The following CTNNA3 variants were observed in gnomAD, a reference collection of about 807,000 sequenced individuals.
The protein encoded by CTNNA3 is catenin alpha 3.
A neutral mutation model predicts 95.7 loss-of-function variants in CTNNA3; 76 were observed. The ratio of observed to expected loss-of-function variants is 0.79; its 90% confidence interval spans 0.66 to 0.96. The LOEUF is 0.96. Among genes scored for constraint, CTNNA3 ranks in the 40% least tolerant of loss-of-function variants. The pLI, the probability that CTNNA3 is intolerant of heterozygous loss-of-function variation, is 0.00. For missense variants in CTNNA3, 1,191 were observed against 1,089.8 expected (o/e 1.09, Z -1.31); for synonymous variants, 431 against 374.4 (o/e 1.15, Z -1.74).
At chr10:66,418,214 A>C (rs538931562) in intron 11 of CTNNA3, among the ~76,000 whole-genome samples, 1 of 151,820 alleles carries the variant, frequency 6.6e-6, no homozygotes, top group Admixed American at 6.6e-5. Flanking sequence ...ACAGAAATAC[A>C]AAAGATCATC....
chr10:66,174,399 C>T (rs1048446189), intron 13 of CTNNA3, among the ~76,000 whole-genome samples: 1 of 151,804 alleles, frequency 6.6e-6, no homozygotes, highest in Non-Finnish European at 1.5e-5. Flanking sequence ...TAAATATATA[C>T]AATTATATAT....
intron 9 of CTNNA3, among the ~76,000 whole-genome samples, chr10:66,763,357 G>A (rs1209193891): frequency 1.3e-5 from 2 of 151,420 alleles, no homozygotes; most frequent in Admixed American, 1.3e-4. Context: ...GAGAGAGGGA[G>A]AGAGAGAGAA....
At chr10:66,599,230 A>G (rs1276771017) in intron 10 of CTNNA3, among the ~76,000 whole-genome samples, 1 of 152,010 alleles carries the variant, frequency 6.6e-6, no homozygotes, top group Non-Finnish European at 1.5e-5. Flanking sequence ...CAGAAACTGA[A>G]ATAATGATTA....
chr10:66,533,564 C>T (rs2132056003), intron 10 of CTNNA3, among the ~76,000 whole-genome samples: 1 of 152,154 alleles, frequency 6.6e-6, no homozygotes, highest in East Asian at 1.9e-4. Flanking sequence ...CTCTACTTTC[C>T]ATTGTTATAA....
At chr10:66,940,767 C>T (rs1203929295) in intron 7 of CTNNA3, among the ~76,000 whole-genome samples, 1 of 152,060 alleles carries the variant, frequency 6.6e-6, no homozygotes, top group East Asian at 1.9e-4. Context: ...TTCACAGTAG[C>T]CCACTGACTG....
chr10:67,313,718 G>A (rs1287136643), intron 5 of CTNNA3, among the ~76,000 whole-genome samples: 1 of 152,106 alleles, frequency 6.6e-6, no homozygotes, highest in African/African-American at 2.4e-5. Context: ...CAAGATAGTA[G>A]CAACAAATAT....
At chr10:67,468,971 G>A (rs1387247513) in intron 5 of CTNNA3, among the ~76,000 whole-genome samples, 1 of 152,150 alleles carries the variant, frequency 6.6e-6, no homozygotes, top group South Asian at 2.1e-4. Flanking sequence ...TTCGTATAAG[G>A]AAGCTTAAGC....
At chr10:67,657,969 G>A (rs1202661888) in intron 1 of CTNNA3, among the ~76,000 whole-genome samples, 1 of 151,956 alleles carries the variant, frequency 6.6e-6, no homozygotes, top group African/African-American at 2.4e-5. Context: ...CAGAGGGAGG[G>A]CTAGATTTCA....
chr10:67,020,031 C>T (rs548891391), intron 7 of CTNNA3, among the ~76,000 whole-genome samples: 1 of 151,954 alleles, frequency 6.6e-6, no homozygotes, highest in Non-Finnish European at 1.5e-5. Flanking sequence ...CTTTCCCTCA[C>T]TGTGTCAAGA....
intron 1 of CTNNA3, among the ~76,000 whole-genome samples, chr10:67,683,530 C>T (rs569409703): frequency 6.1e-4 from 93 of 152,320 alleles, no homozygotes; most frequent in African/African-American, 2.2e-3. Context: ...CCTCTTTGAA[C>T]TGATGCCACC....
intron 13 of CTNNA3, among the ~76,000 whole-genome samples, chr10:66,261,769 C>A (rs961739190): frequency 2.0e-5 from 3 of 151,936 alleles, no homozygotes; most frequent in Non-Finnish European, 4.4e-5. Context: ...ATCCCCAATT[C>A]CAGTGAAACA....
chr10:66,288,573 A>T (rs967846944), intron 12 of CTNNA3, among the ~76,000 whole-genome samples: 15 of 152,272 alleles, frequency 9.9e-5, no homozygotes, highest in African/African-American at 3.4e-4. Context: ...TTAAAATACT[A>T]TAAATGAATA....
At chr10:65,927,716 G>C (rs1381104367) in intron 17 of CTNNA3, among the ~76,000 whole-genome samples, 1 of 151,994 alleles carries the variant, frequency 6.6e-6, no homozygotes, top group Non-Finnish European at 1.5e-5. Context: ...CTGGCATTTG[G>C]TTTGTTTATT....
At chr10:67,523,283 C>T (rs920027054) in intron 4 of CTNNA3, among the ~76,000 whole-genome samples, 16 of 152,336 alleles carry the variant, frequency 1.1e-4, no homozygotes, top group Non-Finnish European at 2.2e-4. Flanking sequence ...CCTGAAGGAA[C>T]TCATACCACT....
chr10:66,924,933 T>G (rs1484397654), intron 7 of CTNNA3, among the ~76,000 whole-genome samples: 2 of 152,212 alleles, frequency 1.3e-5, no homozygotes, highest in South Asian at 4.1e-4. Context: ...AAATCTATGC[T>G]GTTAATCACT....
intron 13 of CTNNA3, among the ~76,000 whole-genome samples, chr10:66,233,316 G>C (rs2089684990): frequency 1.3e-5 from 2 of 151,612 alleles, no homozygotes; most frequent in Admixed American, 6.6e-5. Flanking sequence ...AACCATAAAG[G>C]GAACATCTAA....
intron 1 of CTNNA3, among the ~76,000 whole-genome samples, chr10:67,708,930 C>T (rs947663855): frequency 1.3e-5 from 2 of 151,654 alleles, no homozygotes; most frequent in African/African-American, 2.4e-5. Context: ...TAGTTACTAA[C>T]TACAAACTGA....
chr10:66,068,061 C>T (rs1327381386), intron 15 of CTNNA3, among the ~76,000 whole-genome samples: 1 of 152,036 alleles, frequency 6.6e-6, no homozygotes, highest in Non-Finnish European at 1.5e-5. Flanking sequence ...TACTATAAGG[C>T]TTATGTCATT....
intron 7 of CTNNA3, among the ~76,000 whole-genome samples, chr10:66,844,299 G>T (rs1414861084): frequency 6.6e-6 from 1 of 152,066 alleles, no homozygotes; most frequent in Admixed American, 6.6e-5. Flanking sequence ...CTATTCCTTG[G>T]TTATTCTTAG....
Sources: gnomAD v4.1 joint callset for allele counts (sites outside exome capture counted in the v4.1 genomes callset) on GRCh38, gnomAD v4.1.1 for gene constraint, MANE v1.5 for transcripts, NCBI Gene and HGNC (gene_info 2026-07-23, HGNC 2026-07-21) for gene names.